FBXL2: variants seen among roughly 807,000 people sequenced by gnomAD.
The protein encoded by FBXL2 is F-box and leucine rich repeat protein 2.
In FBXL2, 38 loss-of-function variants were observed where a neutral mutation model predicts 69.2. That is an observed-to-expected ratio of 0.55 (90% CI 0.42 to 0.72). FBXL2 has a LOEUF of 0.72. Among genes scored for constraint, FBXL2 ranks in the 30% least tolerant of loss-of-function variants. The pLI, the probability that FBXL2 is intolerant of heterozygous loss-of-function variation, is 0.00. For synonymous variants in FBXL2, 192 were observed against 201.3 expected, an observed-to-expected ratio of 0.95 and a Z score of 0.39; for missense variants, 354 against 520.3, an observed-to-expected ratio of 0.68 and a Z score of 3.11.
chr3:33,406,688 T>C (rs142939846), downstream of FBXL2, among the ~76,000 whole-genome samples: 6 of 152,342 alleles, frequency 3.9e-5, 1 homozygote, highest in African/African-American at 1.4e-4. Context: ...GATGGTGCAG[T>C]GCCTATGCTC....
At chr3:33,382,468 T>G (rs1254462092) in intron 13 of FBXL2, 1 of 152,232 alleles carries the variant, frequency 6.6e-6, no homozygotes. Context: ...TTTATTTAAA[T>G]GATATGAATG....
chr3:33,328,956 G>A (rs2038941037), intron 2 of FBXL2, among the ~76,000 whole-genome samples: 1 of 152,056 alleles, frequency 6.6e-6, no homozygotes. Context: ...CACAGAATGG[G>A]ACTAAATGTT....
intron 2 of FBXL2, among the ~76,000 whole-genome samples, chr3:33,347,334 G>A (rs2040518813): frequency 6.6e-6 from 1 of 152,102 alleles, no homozygotes; most frequent in Admixed American, 6.6e-5. Context: ...TATATATGTT[G>A]GATGTTGGAT....
chr3:33,298,514 A>T (rs1270746651), intron 2 of FBXL2, among the ~76,000 whole-genome samples: 6 of 152,032 alleles, frequency 3.9e-5, no homozygotes, highest in Non-Finnish European at 8.8e-5. Context: ...TCTACTAAAA[A>T]TACGAAACAA....
chr3:33,400,596 T>C (rs1304030448), intron 12 of FBXL2, among the ~76,000 whole-genome samples: 1 of 152,156 alleles, frequency 6.6e-6, no homozygotes, highest in African/African-American at 2.4e-5. Flanking sequence ...ATATTCTCAC[T>C]TATATGTGGG....
intron 2 of FBXL2, among the ~76,000 whole-genome samples, chr3:33,328,869 A>G (rs1575212334): frequency 6.6e-6 from 1 of 152,122 alleles, no homozygotes; most frequent in African/African-American, 2.4e-5. Flanking sequence ...CAAAGCAAAA[A>G]TAGACAATTG....
chr3:33,293,621 C>T (rs978468020), intron 1 of FBXL2, among the ~76,000 whole-genome samples: 4 of 151,066 alleles, frequency 2.6e-5, no homozygotes, highest in African/African-American at 9.7e-5. Flanking sequence ...CTAGTATGGC[C>T]TATTCTAATT....
chr3:33,388,468 C>T (rs1467659032), downstream of FBXL2: 3 of 152,578 alleles, frequency 2.0e-5, no homozygotes, highest in Non-Finnish European at 4.4e-5. Flanking sequence ...CGTTCAATGC[C>T]ACTCAGTATA....
chr3:33,340,456 T>A (rs2039925643), intron 2 of FBXL2, among the ~76,000 whole-genome samples: 1 of 150,824 alleles, frequency 6.6e-6, no homozygotes. Flanking sequence ...AGAAAATGTA[T>A]GAGATGGAAC....
At chr3:33,295,661 A>G (rs2035664056) in intron 1 of FBXL2, among the ~76,000 whole-genome samples, 1 of 152,180 alleles carries the variant, frequency 6.6e-6, no homozygotes, top group African/African-American at 2.4e-5. Context: ...GAACTGCCAG[A>G]TTGTTTTCCA....
intron 4 of FBXL2, among the ~76,000 whole-genome samples, chr3:33,359,636 TC>T (rs954842386): frequency 5.9e-5 from 9 of 152,120 alleles, no homozygotes; most frequent in African/African-American, 2.2e-4. Context: ...ATCACCTGGT[TC>T]AGTGCTTTAA....
chr3:33,392,974 A>G (rs2043829084), downstream of FBXL2: 1 of 311,930 alleles, frequency 3.2e-6, no homozygotes, highest in Non-Finnish European at 5.8e-6. Context: ...GTTTTTTTAA[A>G]TTAGTCATCA....
intron 2 of FBXL2, among the ~76,000 whole-genome samples, chr3:33,351,525 A>G (rs1213744801): frequency 6.6e-6 from 1 of 152,200 alleles, no homozygotes; most frequent in Non-Finnish European, 1.5e-5. Flanking sequence ...AAATCAATGA[A>G]TATCTTAATA....
intron 2 of FBXL2, among the ~76,000 whole-genome samples, chr3:33,340,960 A>C (rs2039977006): frequency 6.6e-6 from 1 of 151,784 alleles, no homozygotes; most frequent in East Asian, 1.9e-4. Context: ...TGCAAACTGT[A>C]CTAGTAAGTA....
chr3:33,294,406 C>G lies in FBXL2; in HGVS notation c.4-3258C>G, dbSNP rs182996681. Among the ~76,000 whole-genome samples, 140 of 152,062 alleles carry G rather than the reference C, an allele frequency of 9.2e-4. No individual in the cohort carries two copies. In the Middle Eastern group the frequency reaches 0.01, roughly 11 times the overall value. On this transcript the variant is annotated intron_variant, in intron 1 of 14. Transcript: ENST00000484457. ...GCCACTGTGCCTGGCCCCAAATTAA[C>G]ACATTATTAATCAATAGGTGAAAGA...
At chr3:33,389,489 G>C (rs1404493647), downstream of FBXL2, 1 of 151,182 alleles carries the variant, frequency 6.6e-6, no homozygotes, top group Non-Finnish European at 1.5e-5. Context: ...GGTTAGGGTG[G>C]GGGTGGTCAG....
chr3:33,277,627 C>T, intron 1 of FBXL2, 112 bp downstream of exon 1: 1 of 1,121,936 alleles, frequency 8.9e-7, no homozygotes, highest in Non-Finnish European at 1.1e-6. Flanking sequence ...CGTGGAGAGG[C>T]CGGGCCGCGG....
intron 2 of FBXL2, among the ~76,000 whole-genome samples, chr3:33,320,341 A>G (rs1187708386): frequency 2.0e-5 from 3 of 152,232 alleles, no homozygotes; most frequent in African/African-American, 4.8e-5. Context: ...AATTATTTAT[A>G]TGGGGAAAAT....
At chr3:33,366,760 T>C (rs1171008855) in intron 5 of FBXL2, among the ~76,000 whole-genome samples, 7 of 151,924 alleles carry the variant, frequency 4.6e-5, no homozygotes, top group Non-Finnish European at 8.8e-5. Context: ...GTCAGGAGAT[T>C]GAAACCATCC....
Sources: gnomAD v4.1 joint callset for allele counts (sites outside exome capture counted in the v4.1 genomes callset) on GRCh38, gnomAD v4.1.1 for gene constraint, MANE v1.5 for transcripts, NCBI Gene and HGNC (gene_info 2026-07-23, HGNC 2026-07-21) for gene names.